The following ANKRD36 variants were observed in gnomAD, a reference collection of about 807,000 sequenced individuals.
ANKRD36 encodes the protein ankyrin repeat domain-containing protein 36A.
Under a neutral mutation model 278.1 loss-of-function variants are expected in ANKRD36, and 179 were observed. That is an observed-to-expected ratio of 0.64 (90% CI 0.57 to 0.73). The LOEUF is 0.73. Ranked by LOEUF, ANKRD36 falls within the 30% of genes least tolerant of loss-of-function variation. The pLI is 0.00. For missense variants in ANKRD36, 1,159 were observed against 1,956.7 expected (o/e 0.59, Z 7.69); for synonymous variants, 320 against 641.1 (o/e 0.50, Z 7.57).
chr2:97,137,909 T>C (rs1181779738), intron 6 of ANKRD36, among the ~76,000 whole-genome samples: 7 of 152,130 alleles, frequency 4.6e-5, no homozygotes, highest in Non-Finnish European at 8.8e-5. Context: ...TGTATTCTTT[T>C]GAGAAGTGTC....
At chr2:97,218,807 T>A (rs1264881166) in intron 64 of ANKRD36, among the ~76,000 whole-genome samples, 1 of 151,876 alleles carries the variant, frequency 6.6e-6, no homozygotes, top group Non-Finnish European at 1.5e-5. Context: ...CACTTTTTTT[T>A]AGCAATAGAT....
chr2:97,212,333 A>G (rs1372131019), intron 58 of ANKRD36, among the ~76,000 whole-genome samples: 2 of 151,930 alleles, frequency 1.3e-5, no homozygotes, highest in East Asian at 3.9e-4. Context: ...TGGCTGCTCC[A>G]GGAACTACTA....
Position 97,156,026 on chromosome 2 carries a change from T to C in ANKRD36, c.1260+1285T>C, listed in dbSNP as rs187761026. ...AGAATCTATAAGTTGAGGTGAGTTA[T>C]CCTGAGAAAATATGTTATAGAAGAA... On this transcript the variant is annotated intron_variant, in intron 15 of 75. Transcript: ENST00000420699. Among the ~76,000 whole-genome samples the C allele has an allele frequency of 7.2e-3, 1,046 of 146,018 alleles. 34 individuals carry two copies. The highest frequency in any genetic ancestry group is 0.024 in the African/African-American group (984 of 41,202).
chr2:97,158,640 C>T lies in ANKRD36; in HGVS notation c.1374C>T (p.Asp458=). The change falls in exon 17 of 76, where the codon GAC becomes GAT. Residue 458 remains aspartate, a synonymous_variant. Coordinates refer to ENST00000420699, the MANE Select transcript of ANKRD36 (RefSeq NM_001354587.1). ...CAGAAAATGGAAACATGTTTGAAGA[C>T]CAAAATGTTGATAAGGTAAATGAAG... ...DKTENGNMFE[D]QNVDKEGKAL... 6.5e-7 allele frequency: 1 copy of T among 1,536,294 alleles called. No individual in the cohort carries two copies. The highest frequency in any genetic ancestry group is 8.7e-7 in the Non-Finnish European group (1 of 1,146,680).
chr2:97,137,348 C>T (rs1301333396), intron 6 of ANKRD36, among the ~76,000 whole-genome samples: 2 of 151,816 alleles, frequency 1.3e-5, no homozygotes, highest in Non-Finnish European at 2.9e-5. Context: ...TGGGATTTCA[C>T]CATGTTTGGC....
chr2:97,193,447 G>A (rs1475333193), intron 38 of ANKRD36, among the ~76,000 whole-genome samples: 11 of 126,382 alleles, frequency 8.7e-5, no homozygotes, highest in African/African-American at 2.9e-4. Context: ...GTAACAACCC[G>A]TAGACACTGT....
At chr2:97,179,576 C>T (rs2055504785) in intron 22 of ANKRD36, among the ~76,000 whole-genome samples, 162 bp from the exon 23 acceptor site, 1 of 151,500 alleles carries the variant, frequency 6.6e-6, no homozygotes, top group Non-Finnish European at 1.5e-5. Context: ...CAGTGTATTT[C>T]CTTCATGTTT....
At chr2:97,211,453 G>A (rs2064566162) in intron 56 of ANKRD36, 93 bp from the exon 57 acceptor site, 7 of 1,540,132 alleles carry the variant, frequency 4.5e-6, no homozygotes, top group Non-Finnish European at 6.2e-6. Flanking sequence ...AATACAGGCT[G>A]GGGGACAGAG....
intron 42 of ANKRD36, among the ~76,000 whole-genome samples, chr2:97,197,638 G>T (rs2060146639): frequency 6.6e-6 from 1 of 151,942 alleles, no homozygotes; most frequent in Non-Finnish European, 1.5e-5. Flanking sequence ...AAATTATGCT[G>T]CATTGTAATT....
chr2:97,157,319 C>G (rs78612890), intron 15 of ANKRD36, among the ~76,000 whole-genome samples: 19 of 149,614 alleles, frequency 1.3e-4, no homozygotes, highest in South Asian at 2.1e-4. Flanking sequence ...TGAACACAAG[C>G]TTTTCTTTTA....
intron 15 of ANKRD36, among the ~76,000 whole-genome samples, chr2:97,155,723 A>T (rs2047272386): frequency 6.8e-6 from 1 of 146,448 alleles, no homozygotes; most frequent in Non-Finnish European, 1.5e-5. Context: ...CAAATTTCAG[A>T]GGCTTTTGTG....
Position 97,113,423 on chromosome 2 carries a change from G to T in ANKRD36, c.-317G>T, listed in dbSNP as rs547779533. 1 of 422,714 alleles carries T rather than the reference G, an allele frequency of 2.4e-6. No homozygotes were observed. Among genetic ancestry groups the T allele is most frequent in the East Asian group, 5.8e-5 (1 of 17,234 alleles). 26.2% of individuals were successfully genotyped at this position (422,714 alleles called of 1,614,324 possible). On this transcript the variant is annotated 5_prime_UTR_variant, in exon 1 of 76. Coordinates refer to ENST00000420699, the MANE Select transcript of ANKRD36 (RefSeq NM_001354587.1). ...GCGGGCGACAGTTAAACAGGCCCTGGGGCAGGGCGCGCCTCGCGCTCCAGG... is the reference window on the plus strand; with the variant it reads ...GCGGGCGACAGTTAAACAGGCCCTGTGGCAGGGCGCGCCTCGCGCTCCAGG...
At chr2:97,194,665 A>C in intron 38 of ANKRD36, 61 bp from the exon 39 acceptor site, 4 of 1,593,910 alleles carry the variant, frequency 2.5e-6, no homozygotes, top group Non-Finnish European at 3.4e-6. Context: ...CACTGTGTGA[A>C]TGTATGGATA....
chr2:97,131,069 A>G (rs1393176346), intron 6 of ANKRD36, among the ~76,000 whole-genome samples: 1 of 152,124 alleles, frequency 6.6e-6, no homozygotes, highest in Non-Finnish European at 1.5e-5. Context: ...CAAACTTGAC[A>G]TAGTTTTAAT....
At position 97,220,593 on chromosome 2, in the gene ANKRD36, C is replaced by T. The variant is rs377766063; in HGVS notation, c.3877+1347C>T. On this transcript the variant is annotated intron_variant, in intron 66 of 75. Coordinates refer to ENST00000420699, the MANE Select transcript of ANKRD36 (RefSeq NM_001354587.1). ...ATCTTATTCTTTCACATGGCTGAGC[C>T]GTATATGTATCACATTTTTAGAACC... Among the ~76,000 whole-genome samples, 15 of 151,664 alleles carry T rather than the reference C, an allele frequency of 9.9e-5. No homozygotes were observed. The East Asian group carries it at 1.6e-3, about 16-fold the overall frequency.
chr2:97,203,279 G>A (rs947515111), intron 48 of ANKRD36, among the ~76,000 whole-genome samples: 1 of 151,806 alleles, frequency 6.6e-6, no homozygotes, highest in African/African-American at 2.4e-5. Context: ...CATTTTCAAT[G>A]GGTATTGCAG....
intron 64 of ANKRD36, among the ~76,000 whole-genome samples, chr2:97,218,660 C>A (rs1294993473): frequency 6.6e-6 from 1 of 152,066 alleles, no homozygotes; most frequent in African/African-American, 2.4e-5. Context: ...TGGTATAAAG[C>A]CTTCTGATGT....
chr2:97,195,416 A>G (rs1488742943), intron 40 of ANKRD36, among the ~76,000 whole-genome samples: 1 of 151,988 alleles, frequency 6.6e-6, no homozygotes, highest in Non-Finnish European at 1.5e-5. Flanking sequence ...TCATTTATAT[A>G]ATTTTGGGGT....
chr2:97,203,377 T>C (rs2061935092), intron 48 of ANKRD36, among the ~76,000 whole-genome samples: 1 of 151,894 alleles, frequency 6.6e-6, no homozygotes, highest in Non-Finnish European at 1.5e-5. Context: ...ATTGATGATA[T>C]TTTTATTGAG....
Sources: gnomAD v4.1 joint callset for allele counts (sites outside exome capture counted in the v4.1 genomes callset) on GRCh38, gnomAD v4.1.1 for gene constraint, MANE v1.5 for transcripts, NCBI Gene and HGNC (gene_info 2026-07-23, HGNC 2026-07-21) for gene names.